TMEM117: variants seen among roughly 807,000 people sequenced by gnomAD.
TMEM117 encodes the protein transmembrane protein 117.
A neutral mutation model predicts 52.4 loss-of-function variants in TMEM117; 27 were observed. The observed-to-expected ratio is 0.51, with a 90% CI of 0.38 to 0.71. The LOEUF is 0.71. Ranked by LOEUF, TMEM117 falls within the 30% of genes least tolerant of loss-of-function variation. TMEM117 has a pLI of 0.00. For missense variants in TMEM117, 556 were observed against 630.5 expected (o/e 0.88, Z 1.26); for synonymous variants, 215 against 206.3 (o/e 1.04, Z -0.36).
intron 6 of TMEM117, among the ~76,000 whole-genome samples, chr12:44,354,619 C>T (rs372662889): frequency 2.7e-5 from 4 of 150,664 alleles, no homozygotes; most frequent in African/African-American, 9.8e-5. Flanking sequence ...AATTCAACAA[C>T]CCTTCATGCT....
chr12:44,354,293 C>G (rs1951610931), intron 6 of TMEM117, among the ~76,000 whole-genome samples: 1 of 152,046 alleles, frequency 6.6e-6, no homozygotes, highest in South Asian at 2.1e-4. Flanking sequence ...TTTCCTTCTT[C>G]TGCCTGATTG....
At chr12:44,347,298 T>C (rs1951501150) in intron 6 of TMEM117, among the ~76,000 whole-genome samples, 2 of 152,054 alleles carry the variant, frequency 1.3e-5, no homozygotes. Flanking sequence ...GATGTAGAAA[T>C]AAATATGAGT....
chr12:43,951,078 A>C (rs1415528073), intron 3 of TMEM117, among the ~76,000 whole-genome samples: 2 of 152,180 alleles, frequency 1.3e-5, no homozygotes, highest in Non-Finnish European at 2.9e-5. Context: ...TCCCTCCCCC[A>C]GCCAAGGGAA....
At chr12:44,176,774 C>A (rs1949121537) in intron 4 of TMEM117, among the ~76,000 whole-genome samples, 1 of 152,110 alleles carries the variant, frequency 6.6e-6, no homozygotes, top group African/African-American at 2.4e-5. Flanking sequence ...CCATTTCATT[C>A]TCTGCATTGT....
intron 5 of TMEM117, among the ~76,000 whole-genome samples, chr12:44,294,638 C>T (rs1488929613): frequency 6.6e-6 from 1 of 152,164 alleles, no homozygotes; most frequent in Non-Finnish European, 1.5e-5. Context: ...AAATTGCCAG[C>T]ATCACTACTC....
At chr12:44,170,272 C>T (rs1949026230) in intron 4 of TMEM117, among the ~76,000 whole-genome samples, 1 of 123,016 alleles carries the variant, frequency 8.1e-6, no homozygotes, top group Non-Finnish European at 1.6e-5. Flanking sequence ...GGGTGGGGAA[C>T]ATCACACACT....
At chr12:44,321,227 T>A (rs1272825427) in intron 6 of TMEM117, among the ~76,000 whole-genome samples, 1 of 152,214 alleles carries the variant, frequency 6.6e-6, no homozygotes, top group Non-Finnish European at 1.5e-5. Flanking sequence ...CTTTTCATAG[T>A]ATTTTACAAA....
intron 2 of TMEM117, among the ~76,000 whole-genome samples, chr12:43,935,026 G>A (rs1235200112): frequency 4.6e-5 from 7 of 150,992 alleles, no homozygotes; most frequent in Non-Finnish European, 8.8e-5. Context: ...TTTTTTGTTT[G>A]AGGCAAGGTC....
chr12:43,803,993 G>T, the TMEM117 span, among the ~76,000 whole-genome samples: 3 of 152,002 alleles, frequency 2.0e-5, no homozygotes, highest in Non-Finnish European at 2.9e-5. Flanking sequence ...TATTTTTAAA[G>T]AATCAATTTG....
intron 3 of TMEM117, among the ~76,000 whole-genome samples, chr12:44,054,900 C>A (rs1034210925): frequency 1.3e-5 from 2 of 152,044 alleles, no homozygotes; most frequent in Non-Finnish European, 2.9e-5. Flanking sequence ...ACCTTCCCCA[C>A]CCCACGACAG....
chr12:44,152,250 A>C (rs1261768347), intron 4 of TMEM117, among the ~76,000 whole-genome samples: 1 of 111,008 alleles, frequency 9.0e-6, no homozygotes, highest in Non-Finnish European at 1.6e-5. Context: ...TATAATTATA[A>C]ATATAAAATG....
At chr12:44,336,667 C>A (rs2138739231) in intron 6 of TMEM117, among the ~76,000 whole-genome samples, 1 of 151,860 alleles carries the variant, frequency 6.6e-6, no homozygotes, top group Non-Finnish European at 1.5e-5. Flanking sequence ...TGGAAAAGTG[C>A]CTGAAGGTTG....
At chr12:43,985,315 T>C (rs1315397432) in intron 3 of TMEM117, among the ~76,000 whole-genome samples, 2 of 152,124 alleles carry the variant, frequency 1.3e-5, no homozygotes, top group Admixed American at 1.3e-4. Flanking sequence ...AATGAAACAT[T>C]GAAAATTACA....
intron 3 of TMEM117, among the ~76,000 whole-genome samples, chr12:44,111,806 G>A (rs1948061390): frequency 7.1e-6 from 1 of 140,182 alleles, no homozygotes; most frequent in Non-Finnish European, 1.5e-5. Flanking sequence ...TGACAGTGGG[G>A]TGTTAAAGTC....
intron 2 of TMEM117, among the ~76,000 whole-genome samples, chr12:43,849,944 TC>T (rs1943277622): frequency 1.3e-5 from 2 of 152,230 alleles, no homozygotes; most frequent in African/African-American, 4.8e-5. Flanking sequence ...CTAATAGTTA[TC>T]TGCTCCTCTT....
At chr12:43,862,436 C>G (rs541140192) in intron 2 of TMEM117, among the ~76,000 whole-genome samples, 1 of 152,154 alleles carries the variant, frequency 6.6e-6, no homozygotes, top group Non-Finnish European at 1.5e-5. Context: ...GGATTACAGG[C>G]GTGAGCCGCT....
At chr12:43,970,786 A>T (rs1945571082) in intron 3 of TMEM117, among the ~76,000 whole-genome samples, 1 of 152,110 alleles carries the variant, frequency 6.6e-6, no homozygotes, top group Non-Finnish European at 1.5e-5. Context: ...CTCATCACTC[A>T]GGGTTTTAAT....
At chr12:44,224,665 ACT>A (rs979776462) in intron 5 of TMEM117, among the ~76,000 whole-genome samples, 2 of 151,868 alleles carry the variant, frequency 1.3e-5, no homozygotes, top group African/African-American at 4.8e-5. Context: ...TGTCTCTGAA[ACT>A]CTATCGCCAT....
At chr12:43,930,929 G>T (rs59935283) in intron 2 of TMEM117, among the ~76,000 whole-genome samples, 2,081 of 152,298 alleles carry the variant, frequency 0.014, 58 homozygotes, top group African/African-American at 0.047. Context: ...AGCTGGGTGT[G>T]TGGGGAGGCC....
Sources: allele counts gnomAD v4.1 joint callset (sites outside exome capture counted in the v4.1 genomes callset), GRCh38; gene constraint gnomAD v4.1.1; transcripts MANE v1.5; gene names NCBI Gene and HGNC (gene_info 2026-07-23, HGNC 2026-07-21).